The following GALNT15 variants were observed in gnomAD, a reference collection of about 807,000 sequenced individuals.
The protein encoded by GALNT15 is polypeptide N-acetylgalactosaminyltransferase 15.
GALNT15 carries 67 observed loss-of-function variants against 66.8 expected under a neutral mutation model. The observed-to-expected ratio is 1.00, with a 90% confidence interval of 0.82 to 1.23. GALNT15 has a LOEUF of 1.23. Ranked by LOEUF, GALNT15 falls within the 50% of genes most tolerant of loss-of-function variation. GALNT15 has a pLI of 0.00. For synonymous variants in GALNT15, 313 were observed against 311.5 expected, an observed-to-expected ratio of 1.00 and a Z score of -0.05; for missense variants, 827 against 804.3, an observed-to-expected ratio of 1.03 and a Z score of -0.34.
chr3:16,209,682 C>A lies in GALNT15; in HGVS notation c.1079+1012C>A, dbSNP rs2063792920. 6.6e-6 allele frequency among the ~76,000 whole-genome samples: 1 copy of A among 152,036 alleles called. No individual in the cohort carries two copies. Among genetic ancestry groups the A allele is most frequent in the Admixed American group, 6.6e-5 (1 of 15,252 alleles). On this transcript the variant is annotated intron_variant, in intron 4 of 9. Coordinates refer to ENST00000339732, the MANE Select transcript of GALNT15 (RefSeq NM_054110.5). This position sits in a 1 kb window ranked among gnomAD's most constrained non-coding sequence, Gnocchi z 4.1. ...AAATTACAAAAAAAAATTAGCTGGG[C>A]ATGGTAGCACACTCCTGTAGTCCCA...
At chr3:16,207,501 T>TAAAAAA (rs36127239) in intron 3 of GALNT15, among the ~76,000 whole-genome samples, 35 of 39,844 alleles carry the variant, frequency 8.8e-4, no homozygotes, top group Non-Finnish European at 1.4e-3. Context: ...CTCCAGGCTG[T>TAAAAAA]AAAAAAAAAA....
rs1169987461 is a variant in GALNT15 at position 16,191,849 on chromosome 3, G to A, written c.540-3911G>A. 6.6e-6 allele frequency among the ~76,000 whole-genome samples: 1 copy of A among 152,244 alleles called. No individual in the cohort carries two copies. The highest frequency in any genetic ancestry group is 1.5e-5 in the Non-Finnish European group (1 of 68,048). ...GAAACCCAAACTTGAAAGTAGTTCA[G>A]TGGATGTCTCATGCTATACTGTAGA... On this transcript the variant is annotated intron_variant, in intron 1 of 9. Coordinates refer to ENST00000339732, the MANE Select transcript of GALNT15 (RefSeq NM_054110.5). The surrounding 1 kb of genome is among the most constrained non-coding windows in gnomAD (Gnocchi z 5.2).
chr3:16,178,487 C>T (rs1057348333), intron 1 of GALNT15, among the ~76,000 whole-genome samples: 1 of 152,174 alleles, frequency 6.6e-6, no homozygotes, highest in Non-Finnish European at 1.5e-5. Context: ...GGAACGGCCG[C>T]CAGCTTTGTG....
chr3:16,220,608 T>A (rs1002963367), intron 8 of GALNT15, among the ~76,000 whole-genome samples: 2 of 152,254 alleles, frequency 1.3e-5, no homozygotes, highest in East Asian at 1.9e-4. Context: ...CTAGAAAGCC[T>A]AGCTTGTCCC....
the GALNT15 span, among the ~76,000 whole-genome samples, chr3:16,245,676 G>A: frequency 1.3e-5 from 2 of 152,234 alleles, no homozygotes; most frequent in Non-Finnish European, 2.9e-5. Context: ...TGAAATTGAA[G>A]GAAGGGTTCC....
intron 1 of GALNT15, among the ~76,000 whole-genome samples, chr3:16,192,276 C>T (rs193191009): frequency 6.6e-6 from 1 of 152,286 alleles, no homozygotes; most frequent in East Asian, 1.9e-4. Context: ...TGAATTGAGA[C>T]AGAGAAAGGA....
intron 3 of GALNT15, among the ~76,000 whole-genome samples, chr3:16,201,402 C>T (rs1049207921): frequency 2.0e-5 from 3 of 151,982 alleles, no homozygotes; most frequent in Non-Finnish European, 2.9e-5. Flanking sequence ...AGGATGGTCT[C>T]GATCTCCTGA....
chr3:16,217,522 T>C (rs2063892091), intron 6 of GALNT15, among the ~76,000 whole-genome samples: 1 of 152,196 alleles, frequency 6.6e-6, no homozygotes, highest in Non-Finnish European at 1.5e-5. Context: ...AAAAGTTAAT[T>C]TTGCCCTAAA....
At position 16,200,669 on chromosome 3, in the gene GALNT15, A is replaced by G. The variant is rs1332894586; in HGVS notation, c.757A>G (p.Lys253Glu). Reference protein sequence around the residue: ...SEYVARLEGVKLLRSNKRLGA... With the variant: ...SEYVARLEGVELLRSNKRLGA... ...ATATGTGGCCAGGCTGGAGGGGGTG[A>G]AGTTACTCAGGAGCAACAAGAGGCT... Residue 253 changes from lysine to glutamate, a missense_variant, in exon 3 of 10, where the codon AAG (lysine) becomes GAG (glutamate). Coordinates refer to ENST00000339732, the MANE Select transcript of GALNT15 (RefSeq NM_054110.5). The surrounding 1 kb of genome is among the most constrained non-coding windows in gnomAD (Gnocchi z 4.4). 6.2e-7 allele frequency: 1 copy of G among 1,603,878 alleles called. No individual in the cohort carries two copies. The highest frequency in any genetic ancestry group is 8.5e-7 in the Non-Finnish European group (1 of 1,175,116).
At chr3:16,243,788 G>T in the GALNT15 span, among the ~76,000 whole-genome samples, 1 of 152,228 alleles carries the variant, frequency 6.6e-6, no homozygotes, top group African/African-American at 2.4e-5. Flanking sequence ...GGCTGGAGCT[G>T]TACTTGATAA....
In GALNT15 at chr3:16,227,694, TAAA is replaced by T. The variant is rs4035393; in HGVS notation, c.*207_*209del. ...TTATTTCATTGACTGCTGGCTGCTT[TAAA>T]AAAAAAAAAAAAGGATCCATTGTAC... On this transcript the variant is annotated 3_prime_UTR_variant, in exon 10 of 10. Transcript: ENST00000339732. The surrounding 1 kb of genome is among the most constrained non-coding windows in gnomAD (Gnocchi z 4.5). The T allele has an allele frequency of 0.1, 120,815 of 1,161,378 alleles. 35 individuals are homozygous for T. Among genetic ancestry groups the T allele is most frequent in the East Asian group, 0.18 (5,390 of 29,916 alleles). 71.9% of individuals were successfully genotyped at this position (1,161,378 alleles called of 1,614,324 possible).
At chr3:16,210,775 T>G (rs1341794499) in intron 4 of GALNT15, among the ~76,000 whole-genome samples, 1 of 152,152 alleles carries the variant, frequency 6.6e-6, no homozygotes, top group Non-Finnish European at 1.5e-5. Flanking sequence ...GCTACCTCTC[T>G]TAGAGTACCT....
chr3:16,231,954 GT>G, downstream of GALNT15: 1 of 1,509,304 alleles, frequency 6.6e-7, no homozygotes, highest in Non-Finnish European at 8.8e-7. The surrounding 1 kb of genome is among the most constrained non-coding windows in gnomAD (Gnocchi z 4.1). Flanking sequence ...GGGTGGCATT[GT>G]TTAATGTCTT....
rs1462024177 is a variant in GALNT15, at chr3:16,189,550, T to TTCCAGTTA, written c.540-6208_540-6201dup. On this transcript the variant is annotated intron_variant, in intron 1 of 9. Transcript: ENST00000339732. The surrounding 1 kb of genome is among the most constrained non-coding windows in gnomAD (Gnocchi z 5.1). ...TTTTTACCTGAAAAATAGTAACAGCTTCCAGTTATTGAAAGCCTGCTGTGG... is the reference window on the plus strand; with the variant it reads ...TTTTTACCTGAAAAATAGTAACAGCTTCCAGTTATCCAGTTATTGAAAGCCTGCTGTGG... 6.6e-6 allele frequency among the ~76,000 whole-genome samples: 1 copy of TTCCAGTTA among 152,234 alleles called. No homozygotes were observed. The highest frequency in any genetic ancestry group is 1.5e-5 in the Non-Finnish European group (1 of 68,032).
At chr3:16,179,640 T>C (rs1054481720) in intron 1 of GALNT15, among the ~76,000 whole-genome samples, 5 of 151,686 alleles carry the variant, frequency 3.3e-5, no homozygotes, top group Non-Finnish European at 7.4e-5. Context: ...CCCTGCTGAG[T>C]GAAAAAGTAA....
At chr3:16,246,860 G>T in the GALNT15 span, among the ~76,000 whole-genome samples, 4 of 152,148 alleles carry the variant, frequency 2.6e-5, no homozygotes, top group African/African-American at 9.7e-5. Context: ...TGGGAAAATT[G>T]ACATTGTACT....
intron 1 of GALNT15, among the ~76,000 whole-genome samples, chr3:16,194,727 G>A (rs1191387793): frequency 3.3e-5 from 5 of 152,184 alleles, no homozygotes; most frequent in Non-Finnish European, 7.3e-5. Context: ...AATGAACACA[G>A]GAACAGAAAA....
At chr3:16,216,960 T>A (rs1473064843) in intron 6 of GALNT15, among the ~76,000 whole-genome samples, 1 of 149,576 alleles carries the variant, frequency 6.7e-6, no homozygotes, top group Admixed American at 6.6e-5. Flanking sequence ...TAATTATTAT[T>A]TTAGAGAGAC....
In GALNT15 at chr3:16,186,987, C is replaced by T. The variant is rs143960566; in HGVS notation, c.540-8773C>T. On this transcript the variant is annotated intron_variant, in intron 1 of 9. Transcript: ENST00000339732. The surrounding 1 kb of genome is among the most constrained non-coding windows in gnomAD (Gnocchi z 5.1). ...TATTAAAACATTAGTGATTTCAGGC[C>T]GGGCGTGGTGGCTCACTCCTGTAAT... Among the ~76,000 whole-genome samples, 5 of 152,168 alleles carry T rather than the reference C, an allele frequency of 3.3e-5. No individual in the cohort carries two copies. Among genetic ancestry groups the T allele is most frequent in the Admixed American group, 6.5e-5 (1 of 15,282 alleles).
Sources: allele counts gnomAD v4.1 joint callset (sites outside exome capture counted in the v4.1 genomes callset), GRCh38; gene constraint gnomAD v4.1.1; non-coding constraint Gnocchi (gnomAD v3.1); transcripts MANE v1.5; gene names NCBI Gene and HGNC (gene_info 2026-07-23, HGNC 2026-07-21).